The following TRPS1 variants were observed in gnomAD, a reference collection of about 807,000 sequenced individuals.
TRPS1 encodes the protein zinc finger transcription factor Trps1.
TRPS1 carries 6 observed loss-of-function variants against 101.2 expected under a neutral mutation model. The observed-to-expected ratio is 0.06, with a 90% CI of 0.03 to 0.12. TRPS1 has a LOEUF of 0.12. Ranked by LOEUF, TRPS1 falls within the 10% of genes least tolerant of loss-of-function variation. TRPS1 has a pLI of 1.00. For missense variants in TRPS1, 1,363 were observed against 1,567.0 expected (o/e 0.87, Z 2.20); for synonymous variants, 578 against 589.8 (o/e 0.98, Z 0.29).
chr8:115,487,918 T>C (rs1224936329), intron 5 of TRPS1, among the ~76,000 whole-genome samples: 1 of 151,956 alleles, frequency 6.6e-6, no homozygotes, highest in Non-Finnish European at 1.5e-5. Context: ...TTTGAGAGGG[T>C]TGACTCCAAT....
intron 5 of TRPS1, among the ~76,000 whole-genome samples, chr8:115,520,807 T>C (rs961875039): frequency 6.6e-5 from 10 of 151,876 alleles, no homozygotes; most frequent in African/African-American, 2.2e-4. Flanking sequence ...CATTACCTTA[T>C]TGGACAGTAT....
chr8:115,455,819 C>A (rs1206227406), intron 5 of TRPS1, among the ~76,000 whole-genome samples: 2 of 124,840 alleles, frequency 1.6e-5, no homozygotes, highest in Non-Finnish European at 3.2e-5. Flanking sequence ...GAGTCTTGCT[C>A]TGTCGCCCAG....
chr8:115,602,944 T>C (rs1817942284), intron 4 of TRPS1, among the ~76,000 whole-genome samples: 1 of 152,184 alleles, frequency 6.6e-6, no homozygotes, highest in African/African-American at 2.4e-5. Context: ...TATGTTATCA[T>C]TATATTCAAA....
intron 5 of TRPS1, among the ~76,000 whole-genome samples, chr8:115,584,499 A>T (rs1313827711): frequency 6.6e-6 from 1 of 151,930 alleles, no homozygotes; most frequent in African/African-American, 2.4e-5. Flanking sequence ...CATGTAAATT[A>T]TATCTGTATA....
intron 5 of TRPS1, among the ~76,000 whole-genome samples, chr8:115,512,729 C>T (rs2130191540): frequency 6.6e-6 from 1 of 151,682 alleles, no homozygotes; most frequent in African/African-American, 2.4e-5. Context: ...TTTGTGTGTG[C>T]ATATATTGAA....
chr8:115,667,699 T>G (rs1275636579), intron 1 of TRPS1, among the ~76,000 whole-genome samples: 1 of 152,178 alleles, frequency 6.6e-6, no homozygotes, highest in African/African-American at 2.4e-5. Context: ...CACCAAGGGA[T>G]GCGACACCCG....
At chr8:115,499,967 T>C (rs899030011) in intron 5 of TRPS1, among the ~76,000 whole-genome samples, 20 of 99,882 alleles carry the variant, frequency 2.0e-4, no homozygotes, top group African/African-American at 8.3e-4. Context: ...TTCTTTCTTT[T>C]CTTTTCTTTT....
At chr8:115,535,613 G>A (rs887257969) in intron 5 of TRPS1, among the ~76,000 whole-genome samples, 3 of 150,484 alleles carry the variant, frequency 2.0e-5, no homozygotes, top group Admixed American at 6.7e-5. Context: ...TGTAATCCCA[G>A]CACTTTGGGA....
intron 5 of TRPS1, among the ~76,000 whole-genome samples, chr8:115,478,168 C>T (rs1814652956): frequency 6.6e-6 from 1 of 152,140 alleles, no homozygotes; most frequent in Non-Finnish European, 1.5e-5. Flanking sequence ...CAATTTACAT[C>T]AAAGTACTCA....
intron 5 of TRPS1, among the ~76,000 whole-genome samples, chr8:115,441,371 GTT>G (rs1813588360): frequency 6.6e-6 from 1 of 152,166 alleles, no homozygotes; most frequent in Non-Finnish European, 1.5e-5. Flanking sequence ...ATCAAAAACA[GTT>G]TTGGTGCATC....
In TRPS1 at chr8:115,408,895, G is replaced by A. The variant is rs1812717937; in HGVS notation, c.*5128C>T. Reference sequence around the variant, plus strand: ...CCTAAGGAATTTGGCGTTTATTATTGTGATATTTGCCTTATTGGTAGCCAT... The same window carrying A: ...CCTAAGGAATTTGGCGTTTATTATTATGATATTTGCCTTATTGGTAGCCAT... On this transcript the variant is annotated 3_prime_UTR_variant, in exon 7 of 7. Coordinates refer to ENST00000395715, the MANE Select transcript of TRPS1 (RefSeq NM_014112.5). 1 of 152,070 alleles carries A rather than the reference G, an allele frequency of 6.6e-6. No individual in the cohort carries two copies. The highest frequency in any genetic ancestry group is 2.1e-4 in the South Asian group (1 of 4,816). 9.4% of individuals were successfully genotyped at this position (152,070 alleles called of 1,614,324 possible).
Position 115,587,386 on chromosome 8 carries a change from G to C in TRPS1, c.2315C>G (p.Pro772Arg). Reference protein sequence around the residue: ...LLTPDSKMGEPVSESVVKREK... With the variant: ...LLTPDSKMGERVSESVVKREK... ...TCTCTTCACCACACTCTCAGAAACTGGCTCTCCCATTTTAGAGTCTGGAGT... is the reference window on the plus strand; with the variant it reads ...TCTCTTCACCACACTCTCAGAAACTCGCTCTCCCATTTTAGAGTCTGGAGT... Residue 772 changes from proline to arginine, a missense_variant, in exon 5 of 7, where the codon CCA becomes CGA. Pro to Arg is a moderately radical substitution (Grantham distance 103). Coordinates refer to ENST00000395715, the MANE Select transcript of TRPS1 (RefSeq NM_014112.5). The C allele has an allele frequency of 6.2e-7, 1 of 1,614,162 alleles. No homozygotes were observed. Among genetic ancestry groups the C allele is most frequent in the Non-Finnish European group, 8.5e-7 (1 of 1,180,024 alleles).
At chr8:115,498,793 T>C (rs922284044) in intron 5 of TRPS1, among the ~76,000 whole-genome samples, 3 of 152,124 alleles carry the variant, frequency 2.0e-5, no homozygotes, top group African/African-American at 7.2e-5. Flanking sequence ...AATACACTTT[T>C]GTCATTAAAA....
At chr8:115,440,657 G>A (rs1384906845) in intron 5 of TRPS1, among the ~76,000 whole-genome samples, 1 of 152,126 alleles carries the variant, frequency 6.6e-6, no homozygotes, top group Admixed American at 6.5e-5. Context: ...CTTATAATAA[G>A]TTTGTGTTGC....
intron 2 of TRPS1, 41 bp from the exon 3 acceptor site, chr8:115,620,101 A>C: frequency 6.3e-7 from 1 of 1,586,602 alleles, no homozygotes; most frequent in Non-Finnish European, 8.6e-7. Flanking sequence ...GTGTTATCTG[A>C]AAGTTACAGA....
At chr8:115,464,640 C>T (rs752114029) in intron 5 of TRPS1, among the ~76,000 whole-genome samples, 5 of 152,022 alleles carry the variant, frequency 3.3e-5, no homozygotes, top group Non-Finnish European at 7.4e-5. Flanking sequence ...ACATGTTTTC[C>T]TTTTGTTTTA....
chr8:115,473,592 G>A (rs1304795744), intron 5 of TRPS1, among the ~76,000 whole-genome samples: 1 of 152,070 alleles, frequency 6.6e-6, no homozygotes, highest in African/African-American at 2.4e-5. Flanking sequence ...CAGAAGAGTA[G>A]GGAAGAAGAA....
intron 5 of TRPS1, among the ~76,000 whole-genome samples, chr8:115,445,871 T>C (rs1044781919): frequency 5.9e-5 from 9 of 152,204 alleles, no homozygotes; most frequent in African/African-American, 1.7e-4. Flanking sequence ...GGTTTTAACA[T>C]AAAATGTAAC....
intron 3 of TRPS1, among the ~76,000 whole-genome samples, chr8:115,612,950 G>A (rs1015316985): frequency 6.6e-6 from 1 of 152,112 alleles, no homozygotes; most frequent in Non-Finnish European, 1.5e-5. Context: ...ACACAGCCTT[G>A]GAGGACATAA....
Sources: gnomAD v4.1 joint callset for allele counts (sites outside exome capture counted in the v4.1 genomes callset) on GRCh38, gnomAD v4.1.1 for gene constraint, MANE v1.5 for transcripts, NCBI Gene and HGNC (gene_info 2026-07-23, HGNC 2026-07-21) for gene names.